TLL1: variants seen among roughly 807,000 people sequenced by gnomAD.
The protein encoded by TLL1 is tolloid-like protein 1.
In TLL1, 49 loss-of-function variants were observed where a neutral mutation model predicts 128.2. The observed-to-expected ratio is 0.38, with a 90% CI of 0.30 to 0.48. TLL1 has a LOEUF of 0.48. Ranked by LOEUF, TLL1 falls within the 20% of genes least tolerant of loss-of-function variation. The pLI, the probability that TLL1 is intolerant of heterozygous loss-of-function variation, is 0.96. For synonymous variants in TLL1, 454 were observed against 418.8 expected (o/e 1.08, Z -1.03); for missense variants, 1,123 against 1,242.0 (o/e 0.90, Z 1.44).
At chr4:165,963,785 G>A (rs1735236418) in intron 1 of TLL1, among the ~76,000 whole-genome samples, 1 of 152,156 alleles carries the variant, frequency 6.6e-6, no homozygotes, top group African/African-American at 2.4e-5. Flanking sequence ...CAGTGCTCAG[G>A]TTTACAGATT....
intron 1 of TLL1, among the ~76,000 whole-genome samples, chr4:165,985,923 G>C (rs1427230997): frequency 3.3e-5 from 5 of 151,688 alleles, no homozygotes; most frequent in African/African-American, 1.2e-4. Flanking sequence ...CCCCCTATTT[G>C]ACCATAAGAA....
chr4:166,003,288 C>T (rs928072602), intron 5 of TLL1, 103 bp from the exon 6 acceptor site: 29 of 1,157,658 alleles, frequency 2.5e-5, no homozygotes, highest in African/African-American at 4.5e-5. Flanking sequence ...CTGAATGTGT[C>T]GGACTTTATA....
At chr4:166,025,457 T>C (rs773662326) in intron 9 of TLL1, 26 bp downstream of exon 9, 7 of 1,507,398 alleles carry the variant, frequency 4.6e-6, no homozygotes, top group Non-Finnish European at 5.5e-6. Context: ...AAGCCCACTA[T>C]TTTATTCTTA....
intron 1 of TLL1, among the ~76,000 whole-genome samples, chr4:165,919,376 C>T (rs1417166933): frequency 2.2e-5 from 3 of 137,782 alleles, no homozygotes; most frequent in East Asian, 4.3e-4. Flanking sequence ...GAATGAGACC[C>T]TGCTTCAAAA....
intron 1 of TLL1, among the ~76,000 whole-genome samples, chr4:165,918,651 T>C (rs772478033): frequency 6.6e-6 from 1 of 152,192 alleles, no homozygotes; most frequent in Non-Finnish European, 1.5e-5. Flanking sequence ...ATCTTTAGAA[T>C]TGAAATAGCA....
chr4:165,972,504 G>A (rs1195329342), intron 1 of TLL1, among the ~76,000 whole-genome samples: 3 of 152,200 alleles, frequency 2.0e-5, no homozygotes, highest in Middle Eastern at 3.4e-3. Context: ...TTGGATGGTA[G>A]GTGGTGGGGT....
chr4:165,942,443 G>T (rs966124471), intron 1 of TLL1, among the ~76,000 whole-genome samples: 1 of 151,688 alleles, frequency 6.6e-6, no homozygotes. Context: ...ATTTTGCATT[G>T]CAGTTACTGT....
At chr4:165,941,209 C>T (rs59864523) in intron 1 of TLL1, among the ~76,000 whole-genome samples, 5,442 of 152,024 alleles carry the variant, frequency 0.036, 289 homozygotes, top group African/African-American at 0.12. Flanking sequence ...ACACAAAGAA[C>T]TTACTTAATG....
At chr4:166,069,012 T>G (rs1431690026) in intron 16 of TLL1, among the ~76,000 whole-genome samples, 1 of 151,766 alleles carries the variant, frequency 6.6e-6, no homozygotes, top group Non-Finnish European at 1.5e-5. Flanking sequence ...TTTCTCCATT[T>G]TCTTCTCAGT....
intron 7 of TLL1, among the ~76,000 whole-genome samples, chr4:166,013,796 T>C (rs1460242862): frequency 1.3e-5 from 2 of 151,902 alleles, no homozygotes; most frequent in East Asian, 1.9e-4. Context: ...ATCTGTAGTT[T>C]AACATTATTA....
chr4:165,989,393 G>C lies in TLL1; in HGVS notation c.182G>C (p.Gly61Ala). ...KDPCKAAVFWGDIALDDEDLN... is the reference protein window; with the variant it reads ...KDPCKAAVFWADIALDDEDLN... The stretch of plus-strand genomic sequence containing the variant: ...TTTCTTTTTTTAGCTGTATTTTGGG[G>C]CGATATTGCCTTAGATGATGAAGAC... The change falls in exon 2 of 21, where the codon GGC becomes GCC. Residue 61 changes from glycine to alanine, a missense_variant. Coordinates refer to ENST00000061240, the MANE Select transcript of TLL1 (RefSeq NM_012464.5). 6.2e-7 allele frequency: 1 copy of C among 1,611,612 alleles called. No homozygotes were observed. The highest frequency in any genetic ancestry group is 1.7e-4 in the Middle Eastern group (1 of 6,048).
intron 15 of TLL1, 100 bp from the exon 16 acceptor site, chr4:166,065,583 G>C: frequency 1.5e-6 from 2 of 1,334,730 alleles, no homozygotes; most frequent in South Asian, 1.3e-5. Flanking sequence ...TTTGACTACC[G>C]TAAGAGTAAA....
intron 1 of TLL1, among the ~76,000 whole-genome samples, chr4:165,974,054 T>C (rs2110982985): frequency 6.6e-6 from 1 of 151,578 alleles, no homozygotes; most frequent in African/African-American, 2.4e-5. Context: ...AGTAGAACTG[T>C]ACCCTGGCAT....
intron 1 of TLL1, among the ~76,000 whole-genome samples, chr4:165,879,280 A>G (rs1275397512): frequency 6.6e-6 from 1 of 152,030 alleles, no homozygotes; most frequent in Non-Finnish European, 1.5e-5. Flanking sequence ...TAAGCCATGT[A>G]TGGTTCCTCC....
chr4:165,916,153 C>T (rs367738260), intron 1 of TLL1, among the ~76,000 whole-genome samples: 13 of 152,176 alleles, frequency 8.5e-5, no homozygotes, highest in South Asian at 4.2e-4. Flanking sequence ...GATTTTCACC[C>T]GTTTGAAGAA....
chr4:166,001,500 T>C (rs1737148960), intron 5 of TLL1, among the ~76,000 whole-genome samples: 1 of 151,956 alleles, frequency 6.6e-6, no homozygotes, highest in Non-Finnish European at 1.5e-5. Flanking sequence ...AAAAACATCA[T>C]TTTTTCTATC....
chr4:166,063,237 A>T (rs978472526), intron 15 of TLL1, among the ~76,000 whole-genome samples: 1 of 152,232 alleles, frequency 6.6e-6, no homozygotes, highest in Non-Finnish European at 1.5e-5. Context: ...GACACATGAA[A>T]AAATGCTCAT....
intron 9 of TLL1, among the ~76,000 whole-genome samples, chr4:166,028,047 G>A (rs1054111316): frequency 1.1e-4 from 17 of 151,988 alleles, no homozygotes; most frequent in African/African-American, 1.9e-4. Context: ...TATAATCCTC[G>A]TGTCTTTATT....
At chr4:166,035,883 G>T (rs1046081391) in intron 9 of TLL1, among the ~76,000 whole-genome samples, 1 of 152,084 alleles carries the variant, frequency 6.6e-6, no homozygotes, top group African/African-American at 2.4e-5. Flanking sequence ...TGATCCATGG[G>T]TTATAGTTTA....
Sources: gnomAD v4.1 joint callset for allele counts (sites outside exome capture counted in the v4.1 genomes callset) on GRCh38, gnomAD v4.1.1 for gene constraint, MANE v1.5 for transcripts, NCBI Gene and HGNC (gene_info 2026-07-23, HGNC 2026-07-21) for gene names.